The following DGKB variants were observed in gnomAD, a reference collection of about 807,000 sequenced individuals.
DGKB encodes 90 kDa diacylglycerol kinase.
Under a neutral mutation model 114.3 loss-of-function variants are expected in DGKB, and 67 were observed. The ratio of observed to expected loss-of-function variants is 0.59; its 90% CI spans 0.48 to 0.72. DGKB has a LOEUF of 0.72. DGKB is among the 30% of genes least tolerant of loss of function. DGKB has a pLI of 0.00. For missense variants in DGKB, 907 were observed against 975.2 expected (o/e 0.93, Z 0.93); for synonymous variants, 398 against 323.1 (o/e 1.23, Z -2.49).
intron 23 of DGKB, among the ~76,000 whole-genome samples, chr7:14,337,284 T>C (rs190100397): frequency 1.3e-5 from 2 of 152,262 alleles, no homozygotes; most frequent in African/African-American, 4.8e-5. Context: ...TATATATTTC[T>C]CCTTCAAAAT....
chr7:14,727,604 TA>T (rs1179922935), intron 5 of DGKB, among the ~76,000 whole-genome samples: 1 of 152,148 alleles, frequency 6.6e-6, no homozygotes, highest in African/African-American at 2.4e-5. Flanking sequence ...TCAACAGTAA[TA>T]AGTATATCGA....
chr7:14,874,137 T>C (rs1017441201), intron 1 of DGKB, among the ~76,000 whole-genome samples: 1 of 152,078 alleles, frequency 6.6e-6, no homozygotes, highest in African/African-American at 2.4e-5. Context: ...GCAGCACCAC[T>C]TACACATACA....
chr7:14,371,567 C>G (rs143688773), intron 21 of DGKB, among the ~76,000 whole-genome samples: 2 of 152,060 alleles, frequency 1.3e-5, no homozygotes, highest in Non-Finnish European at 2.9e-5. Flanking sequence ...AATATTAGAC[C>G]TTTGTCAGAT....
At chr7:14,520,012 T>G (rs1789486276) in intron 20 of DGKB, among the ~76,000 whole-genome samples, 1 of 151,852 alleles carries the variant, frequency 6.6e-6, no homozygotes, top group African/African-American at 2.4e-5. Flanking sequence ...TCCATTTTCT[T>G]AATGGTATCT....
chr7:14,831,432 T>C (rs1011170454), intron 2 of DGKB, among the ~76,000 whole-genome samples: 1 of 152,032 alleles, frequency 6.6e-6, no homozygotes, highest in Admixed American at 6.6e-5. Flanking sequence ...TGGACAACCT[T>C]GGGAGACAGA....
At chr7:14,958,673 C>G (rs1192047043) in intron 1 of DGKB, among the ~76,000 whole-genome samples, 1 of 151,948 alleles carries the variant, frequency 6.6e-6, no homozygotes, top group Non-Finnish European at 1.5e-5. Context: ...TGGCATATGA[C>G]TGCGGGAGTA....
chr7:14,212,284 ACTCTCATGTTTTGTGAT>A (rs533018664), intron 23 of DGKB, among the ~76,000 whole-genome samples: 3 of 9,694 alleles, frequency 3.1e-4, no homozygotes, highest in South Asian at 3.6e-3. Context: ...TTGTGATTTT[ACTCTCATGTTTTGTGAT>A]TTTACTCTCA....
chr7:14,933,556 C>T (rs772145700), intron 1 of DGKB, among the ~76,000 whole-genome samples: 25 of 152,168 alleles, frequency 1.6e-4, no homozygotes, highest in East Asian at 1.9e-4. Context: ...AATTGCATCA[C>T]TCCAAAATTT....
At chr7:14,376,097 C>G (rs1384162125) in intron 21 of DGKB, among the ~76,000 whole-genome samples, 1 of 152,192 alleles carries the variant, frequency 6.6e-6, no homozygotes, top group East Asian at 1.9e-4. Context: ...TGACTCTCTC[C>G]TGCCTCCATA....
At chr7:14,489,040 T>C (rs1225512117) in intron 20 of DGKB, among the ~76,000 whole-genome samples, 1 of 152,140 alleles carries the variant, frequency 6.6e-6, no homozygotes, top group Non-Finnish European at 1.5e-5. Flanking sequence ...ATAGAATTAA[T>C]CTACTTCCCT....
intron 20 of DGKB, among the ~76,000 whole-genome samples, chr7:14,499,769 T>C (rs1563331879): frequency 6.6e-6 from 1 of 151,894 alleles, no homozygotes; most frequent in Non-Finnish European, 1.5e-5. Context: ...AAATCAAATA[T>C]TCTTCTGAAA....
chr7:14,595,084 G>A (rs1015677389), intron 17 of DGKB, among the ~76,000 whole-genome samples: 5 of 152,002 alleles, frequency 3.3e-5, no homozygotes, highest in Non-Finnish European at 1.5e-5. Context: ...AGGGATGAGG[G>A]GTGGCTTAAT....
chr7:14,529,900 ATTAG>A (rs1337991360), intron 20 of DGKB, among the ~76,000 whole-genome samples: 1 of 151,774 alleles, frequency 6.6e-6, no homozygotes, highest in Non-Finnish European at 1.5e-5. Context: ...CTCTTGTCCA[ATTAG>A]TTAGATACAA....
At chr7:14,455,681 T>C (rs1832181753) in intron 21 of DGKB, among the ~76,000 whole-genome samples, 1 of 151,990 alleles carries the variant, frequency 6.6e-6, no homozygotes, top group Non-Finnish European at 1.5e-5. Context: ...TAAAAGTAAT[T>C]GAGTCGGAAC....
At chr7:14,249,753 A>AT (rs916860435) in intron 23 of DGKB, among the ~76,000 whole-genome samples, 5 of 151,520 alleles carry the variant, frequency 3.3e-5, no homozygotes, top group Non-Finnish European at 7.4e-5. Flanking sequence ...AAGGTTTGTA[A>AT]TTTTTTTTAT....
intron 1 of DGKB, among the ~76,000 whole-genome samples, chr7:14,868,335 TTTTCA>T (rs971827835): frequency 1.6e-4 from 14 of 86,808 alleles, no homozygotes; most frequent in African/African-American, 6.1e-4. Context: ...TTTTCTTTCC[TTTTCA>T]TTTTTTTTTT....
intron 20 of DGKB, among the ~76,000 whole-genome samples, chr7:14,549,664 A>G (rs1317563823): frequency 6.6e-6 from 1 of 152,122 alleles, no homozygotes; most frequent in Non-Finnish European, 1.5e-5. Flanking sequence ...AAAAACACAG[A>G]AAAGTTATCT....
chr7:14,810,202 A>T (rs995769278), intron 2 of DGKB, among the ~76,000 whole-genome samples: 1 of 152,202 alleles, frequency 6.6e-6, no homozygotes, highest in Non-Finnish European at 1.5e-5. Flanking sequence ...TCAATGACAC[A>T]AGCACCCATG....
intron 23 of DGKB, among the ~76,000 whole-genome samples, chr7:14,274,975 T>TC (rs1562807912): frequency 1.8e-4 from 24 of 133,892 alleles, no homozygotes; most frequent in African/African-American, 7.3e-4. Flanking sequence ...GTGTGTGTGT[T>TC]TGTGTGTGCG....
Sources: gnomAD v4.1 joint callset for allele counts (sites outside exome capture counted in the v4.1 genomes callset) on GRCh38, gnomAD v4.1.1 for gene constraint, MANE v1.5 for transcripts, NCBI Gene and HGNC (gene_info 2026-07-23, HGNC 2026-07-21) for gene names.